The following SEC23B variants were observed in gnomAD, a reference collection of about 807,000 sequenced individuals.
SEC23B encodes the protein protein transport protein Sec23B.
SEC23B carries 77 observed loss-of-function variants against 104.3 expected under a neutral mutation model. The observed-to-expected ratio is 0.74, with a 90% CI of 0.61 to 0.89. The LOEUF is 0.89. Ranked by LOEUF, SEC23B falls within the 40% of genes least tolerant of loss-of-function variation. The pLI is 0.00. For synonymous variants in SEC23B, 338 were observed against 332.5 expected, an observed-to-expected ratio of 1.02 and a Z score of -0.18; for missense variants, 885 against 949.4, an observed-to-expected ratio of 0.93 and a Z score of 0.89.
chr20:18,545,805 C>G (rs1299490467), intron 14 of SEC23B, 151 bp from the exon 15 acceptor site: 3 of 676,764 alleles, frequency 4.4e-6, no homozygotes, highest in East Asian at 5.3e-5. Context: ...CTCACTGATG[C>G]TTGAGAAGTG....
At chr20:18,537,491 CAA>C (rs1325535737) in intron 12 of SEC23B, among the ~76,000 whole-genome samples, 1 of 149,992 alleles carries the variant, frequency 6.7e-6, no homozygotes, top group Non-Finnish European at 1.5e-5. Context: ...ATCGCAAGGA[CAA>C]AAAAACACCG....
In SEC23B at chr20:18,527,531, T is replaced by C. The variant is rs754318349; in HGVS notation, c.1029T>C (p.Asn343=). Reference sequence around the variant, plus strand: ...TGCTTGCTAATCGAACAGCTGCAAATGGTCACTGCATTGATATTTATGCTT... The same window carrying C: ...TGCTTGCTAATCGAACAGCTGCAAACGGTCACTGCATTGATATTTATGCTT... ...YEMLANRTAA[N]GHCIDIYACA... is the part of the protein sequence containing the mutation. Residue 343 remains asparagine, a synonymous_variant, in exon 9 of 20, where the codon AAT becomes AAC. Transcript: ENST00000650089. 5 of 1,613,342 alleles carry C rather than the reference T, an allele frequency of 3.1e-6. No individual in the cohort carries two copies. The Admixed American group carries it at 5.0e-5, about 16-fold the overall frequency.
At chr20:18,557,800 T>TTGTTGCACACCA (rs1281933994) in intron 19 of SEC23B, among the ~76,000 whole-genome samples, 90 of 149,908 alleles carry the variant, frequency 6.0e-4, no homozygotes, top group African/African-American at 2.1e-3. Context: ...TTGCCCAGGC[T>TTGTTGCACACCA]GGAGTGCAAT....
At chr20:18,558,208 T>C (rs1177469478) in intron 19 of SEC23B, among the ~76,000 whole-genome samples, 1 of 152,218 alleles carries the variant, frequency 6.6e-6, no homozygotes, top group East Asian at 1.9e-4. Context: ...TTGAAAAATA[T>C]TGTGCTGCTT....
chr20:18,542,486 C>G (rs1307575297), intron 13 of SEC23B, 84 bp downstream of exon 13: 1 of 1,279,098 alleles, frequency 7.8e-7, no homozygotes, highest in South Asian at 1.2e-5. Flanking sequence ...GTTAGTTTGT[C>G]TTTTTGATTC....
At position 18,525,858 on chromosome 20, in the gene SEC23B, T is replaced by C. The variant is rs1243393734; in HGVS notation, c.760T>C (p.Trp254Arg). The change falls in exon 7 of 20, where the codon TGG becomes CGG. Residue 254 changes from tryptophan (W) to arginine (R), a missense_variant. Coordinates refer to ENST00000650089, the MANE Select transcript of SEC23B (RefSeq NM_006363.6). ...TCTTGGGGAGCTACAGAGGGACCCA[T>C]GGCCAGTAACTCAGGGGAAGAGACC... ...DLLGELQRDP[W>R]PVTQGKRPLR... 3.1e-6 allele frequency: 5 copies of C among 1,614,092 alleles called. No individual in the cohort carries two copies. Among genetic ancestry groups the C allele is most frequent in the Middle Eastern group, 1.6e-4 (1 of 6,084 alleles).
chr20:18,510,690 C>T (rs1170686230), intron 1 of SEC23B, 132 bp from the exon 2 acceptor site: 13 of 715,974 alleles, frequency 1.8e-5, no homozygotes, highest in Admixed American at 1.7e-4. Flanking sequence ...CGCTTGAACC[C>T]GGGAGGTGGA....
At position 18,560,813 on chromosome 20, in the gene SEC23B, C is replaced by T; in HGVS notation, c.*73C>T. ...ATGTCTAGAAAGGCTTGATAACATT[C>T]CTGTTACTTTTCTAGCAGATTTTAA... On this transcript the variant is annotated 3_prime_UTR_variant, in exon 20 of 20. Coordinates refer to ENST00000650089, the MANE Select transcript of SEC23B (RefSeq NM_006363.6). 1 of 1,097,948 alleles carries T rather than the reference C, an allele frequency of 9.1e-7. No homozygotes were observed. The highest frequency in any genetic ancestry group is 1.7e-5 in the Admixed American group (1 of 59,082). The allele number at this position is 1,097,948 out of a possible 1,614,324, so 68.0% of individuals were successfully genotyped here.
chr20:18,542,167 G>A, intron 12 of SEC23B, 129 bp from the exon 13 acceptor site: 4 of 834,230 alleles, frequency 4.8e-6, no homozygotes, highest in Non-Finnish European at 8.3e-6. Context: ...TCCTAAGTGT[G>A]CCCTTCAAAA....
chr20:18,536,101 G>A (rs548799027), intron 12 of SEC23B, among the ~76,000 whole-genome samples: 137 of 152,148 alleles, frequency 9.0e-4, no homozygotes, highest in African/African-American at 3.0e-3. Context: ...CGGTGAACAC[G>A]TACTACCTAG....
At chr20:18,540,634 T>C (rs2060279079) in intron 12 of SEC23B, among the ~76,000 whole-genome samples, 1 of 152,170 alleles carries the variant, frequency 6.6e-6, no homozygotes, top group East Asian at 1.9e-4. Context: ...GGTGGGTGGA[T>C]TGCTTGATCT....
chr20:18,525,607 C>T (rs750595755), intron 6 of SEC23B, among the ~76,000 whole-genome samples, 181 bp from the exon 7 acceptor site: 15 of 151,198 alleles, frequency 9.9e-5, no homozygotes, highest in African/African-American at 7.3e-5. Flanking sequence ...GCTTTATATT[C>T]CTCAATAAAA....
At position 18,542,408 on chromosome 20, in the gene SEC23B, C is replaced by T. The variant is rs1429760857; in HGVS notation, c.1511+6C>T. ...GTGACCACCATCGCCCGAAAGTAAG[C>T]AGCCCCAGTTTCCTTTCTGTTGAGG... On this transcript the variant is annotated splice_donor_region_variant and intron_variant, in intron 13 of 19. Coordinates refer to ENST00000650089, the MANE Select transcript of SEC23B (RefSeq NM_006363.6). The T allele has an allele frequency of 1.2e-6, 2 of 1,611,634 alleles. No individual in the cohort carries two copies. The highest frequency in any genetic ancestry group is 1.7e-6 in the Non-Finnish European group (2 of 1,177,690).
chr20:18,518,775 A>G (rs1490832290), intron 4 of SEC23B, among the ~76,000 whole-genome samples: 2 of 151,920 alleles, frequency 1.3e-5, no homozygotes, highest in African/African-American at 4.8e-5. Context: ...GCCCTGGGTG[A>G]TGGGATCTGA....
chr20:18,546,038 GT>G lies in SEC23B; in HGVS notation c.1743+6del. ...TCCTTTTCTCTATATCCTCAGGTAA[GT>G]AATGTATGTTTCTAAAATAACTACA... On this transcript the variant is annotated splice_donor_region_variant and intron_variant, in intron 15 of 19. Transcript: ENST00000650089. 1 of 1,414,564 alleles carries G rather than the reference GT, an allele frequency of 7.1e-7. No homozygotes were observed. The highest frequency in any genetic ancestry group is 1.0e-6 in the Non-Finnish European group (1 of 998,108). The allele number at this position is 1,414,564 out of a possible 1,614,324, so 87.6% of individuals were successfully genotyped here.
At chr20:18,510,714 T>G (rs1448458926) in intron 1 of SEC23B, 108 bp from the exon 2 acceptor site, 5 of 869,422 alleles carry the variant, frequency 5.8e-6, no homozygotes, top group Non-Finnish European at 9.4e-6. Context: ...TGCAGTGAGC[T>G]GAGATGGGAA....
chr20:18,522,161 G>A (rs555271144), intron 4 of SEC23B, among the ~76,000 whole-genome samples: 13 of 152,160 alleles, frequency 8.5e-5, no homozygotes, highest in Non-Finnish European at 1.9e-4. Flanking sequence ...GGAGTAGGGG[G>A]TGGGGAGCAG....
intron 15 of SEC23B, among the ~76,000 whole-genome samples, chr20:18,547,921 T>TA (rs11481922): frequency 1 from 151,468 of 152,004 alleles, 75,468 homozygotes; most frequent in Middle Eastern, 1. Context: ...GCCCTTTTCT[T>TA]AAAAAAATTT....
chr20:18,550,096 A>ATATGTATATAAATATATATGTATATGAT (rs2060373422), intron 16 of SEC23B, among the ~76,000 whole-genome samples: 1 of 148,274 alleles, frequency 6.7e-6, no homozygotes, highest in Admixed American at 6.8e-5. Flanking sequence ...ATATGATTAT[A>ATATGTATATAAATATATATGTATATGAT]TATGTATATA....
Sources: gnomAD v4.1 joint callset for allele counts (sites outside exome capture counted in the v4.1 genomes callset) on GRCh38, gnomAD v4.1.1 for gene constraint, MANE v1.5 for transcripts, NCBI Gene and HGNC (gene_info 2026-07-23, HGNC 2026-07-21) for gene names.